SOX6: variants seen among roughly 807,000 people sequenced by gnomAD.
The protein encoded by SOX6 is transcription factor SOX-6.
Under a neutral mutation model 97.8 loss-of-function variants are expected in SOX6, and 11 were observed. That is an observed-to-expected ratio of 0.11 (90% CI 0.07 to 0.19). The LOEUF is 0.19. Ranked by LOEUF, SOX6 falls within the 10% of genes least tolerant of loss-of-function variation. SOX6 has a pLI of 1.00. For missense variants in SOX6, 810 were observed against 1,039.5 expected (o/e 0.78, Z 3.04); for synonymous variants, 360 against 371.4 (o/e 0.97, Z 0.35).
chr11:16,625,309 T>G (rs1037250568), intron 3 of SOX6, among the ~76,000 whole-genome samples: 2 of 133,528 alleles, frequency 1.5e-5, no homozygotes, highest in Non-Finnish European at 1.8e-5. Context: ...TCCCTAGCCA[T>G]CTTTAATTAA....
chr11:16,045,474 T>C (rs560161851), intron 12 of SOX6, among the ~76,000 whole-genome samples: 3 of 152,304 alleles, frequency 2.0e-5, no homozygotes, highest in African/African-American at 7.2e-5. Context: ...TCCTTTTATA[T>C]GTAAATCAGA....
At chr11:16,369,858 G>A (rs1018106522) in intron 1 of SOX6, among the ~76,000 whole-genome samples, 6 of 152,150 alleles carry the variant, frequency 3.9e-5, no homozygotes, top group East Asian at 1.9e-4. Flanking sequence ...AGAGAGACTA[G>A]TAAGAAACTA....
At chr11:16,359,483 G>C (rs139774839), upstream of SOX6, among the ~76,000 whole-genome samples, 1 of 152,128 alleles carries the variant, frequency 6.6e-6, no homozygotes, top group African/African-American at 2.4e-5. Flanking sequence ...AAAATCTCCA[G>C]TGGCCTTAGG....
At chr11:16,318,031 T>C in intron 3 of SOX6, 1 of 422,190 alleles carries the variant, frequency 2.4e-6, no homozygotes, top group Non-Finnish European at 4.7e-6. Flanking sequence ...AATAATATAT[T>C]TATAAAAATG....
chr11:16,642,578 A>C (rs1848935909), intron 3 of SOX6, among the ~76,000 whole-genome samples: 1 of 151,990 alleles, frequency 6.6e-6, no homozygotes, highest in Admixed American at 6.6e-5. Context: ...TGGTCTTTTC[A>C]CATAGCCCAT....
chr11:16,642,131 G>C (rs1454710164), intron 3 of SOX6, among the ~76,000 whole-genome samples: 2 of 152,106 alleles, frequency 1.3e-5, no homozygotes, highest in African/African-American at 4.8e-5. Context: ...GCATTTGCTT[G>C]TCTGTAAAGT....
At chr11:16,640,216 T>C (rs937761124) in intron 3 of SOX6, among the ~76,000 whole-genome samples, 4 of 152,216 alleles carry the variant, frequency 2.6e-5, no homozygotes, top group Non-Finnish European at 5.9e-5. Context: ...TTACATTTAT[T>C]GATTTGCGTA....
At chr11:16,144,036 CA>C (rs1224897520) in intron 6 of SOX6, among the ~76,000 whole-genome samples, 4 of 152,188 alleles carry the variant, frequency 2.6e-5, no homozygotes, top group African/African-American at 9.7e-5. Flanking sequence ...CACCCCAAAT[CA>C]ACAGAATAAT....
At chr11:16,202,652 C>T (rs1415106986) in intron 4 of SOX6, among the ~76,000 whole-genome samples, 2 of 152,042 alleles carry the variant, frequency 1.3e-5, no homozygotes, top group African/African-American at 4.8e-5. Flanking sequence ...CAAAAGACAA[C>T]CACCTATCTC....
chr11:16,310,828 C>T lies in SOX6; in HGVS notation c.445+7618G>A, dbSNP rs146068140. On this transcript the variant is annotated intron_variant, in intron 3 of 15. Transcript: ENST00000683767. ...TATTATAAGTGCTTCACCAATATAACTTTCAATCAGAATAGTGGTAAAAAC... is the reference window on the plus strand; with the variant it reads ...TATTATAAGTGCTTCACCAATATAATTTTCAATCAGAATAGTGGTAAAAAC... 9.8e-3 allele frequency among the ~76,000 whole-genome samples: 1,484 copies of T among 152,056 alleles called. 18 individuals are homozygous for T. Among genetic ancestry groups the T allele is most frequent in the Non-Finnish European group, 0.011 (722 of 67,954 alleles).
intron 15 of SOX6, among the ~76,000 whole-genome samples, chr11:15,975,004 T>G (rs1413302004): frequency 6.6e-6 from 1 of 152,170 alleles, no homozygotes; most frequent in Non-Finnish European, 1.5e-5. Flanking sequence ...CACTCTTTCC[T>G]TTATAGATAT....
At chr11:16,474,519 A>G (rs1860200312) in intron 1 of SOX6, among the ~76,000 whole-genome samples, 1 of 152,204 alleles carries the variant, frequency 6.6e-6, no homozygotes, top group East Asian at 1.9e-4. Context: ...CTCCATGTAC[A>G]TCTCCATCTG....
At chr11:16,125,802 T>C (rs972970950) in intron 6 of SOX6, among the ~76,000 whole-genome samples, 1 of 116,966 alleles carries the variant, frequency 8.5e-6, no homozygotes, top group Non-Finnish European at 1.8e-5. Flanking sequence ...TTTCACATGT[T>C]CTTAAAGAAA....
rs115417234 is a variant in SOX6 at position 16,247,477 on chromosome 11, C to T, written c.446-12806G>A. On this transcript the variant is annotated intron_variant, in intron 3 of 15. Coordinates refer to ENST00000683767, the MANE Select transcript of SOX6 (RefSeq NM_001367873.1). Reference sequence around the variant, plus strand: ...ACTGGGTAATTTATAAAGAAAACAGCTTTAATTGACTCACAGTTCTGCAGG... The same window carrying T: ...ACTGGGTAATTTATAAAGAAAACAGTTTTAATTGACTCACAGTTCTGCAGG... 8.7e-3 allele frequency among the ~76,000 whole-genome samples: 1,322 copies of T among 152,218 alleles called. 18 individuals carry two copies. Among genetic ancestry groups the T allele is most frequent in the African/African-American group, 0.03 (1,251 of 41,536 alleles).
intron 6 of SOX6, among the ~76,000 whole-genome samples, chr11:16,145,345 A>T (rs371655185): frequency 1.3e-5 from 2 of 152,270 alleles, no homozygotes; most frequent in South Asian, 4.2e-4. Flanking sequence ...TTGATGGGAC[A>T]TATCTCAAAA....
intron 12 of SOX6, among the ~76,000 whole-genome samples, chr11:16,042,621 G>T (rs572399234): frequency 2.0e-5 from 3 of 152,068 alleles, no homozygotes; most frequent in Non-Finnish European, 4.4e-5. Flanking sequence ...TATGACTGTG[G>T]GTAAGTCCTT....
At chr11:16,313,094 G>A (rs1270767243) in intron 3 of SOX6, 1 of 152,214 alleles carries the variant, frequency 6.6e-6, no homozygotes, top group Non-Finnish European at 1.5e-5. Context: ...CACTTCAGAT[G>A]TAGCACCCTT....
chr11:16,349,581 A>T (rs1013730940), intron 1 of SOX6, among the ~76,000 whole-genome samples: 3 of 151,364 alleles, frequency 2.0e-5, no homozygotes, highest in Non-Finnish European at 2.9e-5. Context: ...GTGCCATTGC[A>T]CTCTAGCCTG....
Position 16,055,733 on chromosome 11 carries a change from T to C in SOX6, c.1251+19A>G. 1.9e-6 allele frequency: 3 copies of C among 1,613,502 alleles called. No individual in the cohort carries two copies. The highest frequency in any genetic ancestry group is 2.5e-6 in the Non-Finnish European group (3 of 1,179,642). On this transcript the variant is annotated intron_variant, in intron 10 of 15. Coordinates refer to ENST00000683767, the MANE Select transcript of SOX6 (RefSeq NM_001367873.1). ...ACTTTTTTCTAAACTGTTTCCACAA[T>C]GCTGCAAGGCGAGTGTACCTTAACT... is the stretch of plus-strand genomic sequence containing the variant.
Sources: allele counts gnomAD v4.1 joint callset (sites outside exome capture counted in the v4.1 genomes callset), GRCh38; gene constraint gnomAD v4.1.1; transcripts MANE v1.5; gene names NCBI Gene and HGNC (gene_info 2026-07-23, HGNC 2026-07-21).